Variants in SLC24A3 observed in about 807,000 individuals in gnomAD.
SLC24A3 encodes the protein sodium/potassium/calcium exchanger 3.
A neutral mutation model predicts 75.8 loss-of-function variants in SLC24A3; 28 were observed. The observed-to-expected ratio is 0.37, with a 90% confidence interval of 0.27 to 0.51. The LOEUF is 0.51. Ranked by LOEUF, SLC24A3 falls within the 20% of genes least tolerant of loss-of-function variation. SLC24A3 has a pLI of 0.94. For missense variants in SLC24A3, 663 were observed against 847.8 expected (o/e 0.78, Z 2.71); for synonymous variants, 372 against 334.1 (o/e 1.11, Z -1.24).
At chr20:19,497,052 G>T (rs1988300104) in intron 2 of SLC24A3, among the ~76,000 whole-genome samples, 2 of 152,142 alleles carry the variant, frequency 1.3e-5, no homozygotes, top group Admixed American at 6.5e-5. Context: ...TTTACCCCAT[G>T]GGGTACCAGC....
intron 3 of SLC24A3, among the ~76,000 whole-genome samples, chr20:19,545,924 C>T (rs1459605298): frequency 6.6e-6 from 1 of 151,948 alleles, no homozygotes; most frequent in African/African-American, 2.4e-5. Flanking sequence ...CTTTGGGAGG[C>T]CGAGGCGGGT....
At chr20:19,310,475 TTGAGAAA>T (rs1451463120) in intron 2 of SLC24A3, among the ~76,000 whole-genome samples, 2 of 152,232 alleles carry the variant, frequency 1.3e-5, no homozygotes, top group African/African-American at 4.8e-5. Flanking sequence ...GAATGAGAGC[TTGAGAAA>T]TGAGAAGCTC....
At chr20:19,359,538 G>A (rs1985749391) in intron 2 of SLC24A3, among the ~76,000 whole-genome samples, 1 of 152,134 alleles carries the variant, frequency 6.6e-6, no homozygotes, top group South Asian at 2.1e-4. Flanking sequence ...AAATGAGCAT[G>A]TCCTCAATCT....
At chr20:19,702,417 G>A (rs912957180) in intron 15 of SLC24A3, among the ~76,000 whole-genome samples, 1 of 152,090 alleles carries the variant, frequency 6.6e-6, no homozygotes, top group African/African-American at 2.4e-5. Flanking sequence ...TTATACAAGG[G>A]CCACATTAAG....
In SLC24A3 at chr20:19,260,830, G is replaced by T. The variant is rs376498639; in HGVS notation, c.143-20129G>T. ...CTGGAGCTCTGCCTTCCCAAGTTAG[G>T]TAACCCCCTCCGGCATGGACCGACA... On this transcript the variant is annotated intron_variant, in intron 1 of 16. Transcript: ENST00000328041. 1.4e-4 allele frequency among the ~76,000 whole-genome samples: 22 copies of T among 152,250 alleles called. No homozygotes were observed. In the East Asian group the frequency reaches 2.1e-3, roughly 15 times the overall value.
At chr20:19,505,078 T>C (rs1458419250) in intron 2 of SLC24A3, among the ~76,000 whole-genome samples, 1 of 152,252 alleles carries the variant, frequency 6.6e-6, no homozygotes, top group African/African-American at 2.4e-5. Context: ...CAATAGTCTA[T>C]GTAACTAATG....
At chr20:19,449,683 T>C (rs1357023276) in intron 2 of SLC24A3, among the ~76,000 whole-genome samples, 1 of 152,192 alleles carries the variant, frequency 6.6e-6, no homozygotes, top group Non-Finnish European at 1.5e-5. Flanking sequence ...TGGGCAGTCA[T>C]GTTTGCAAGT....
chr20:19,413,891 G>A (rs1287189740), intron 2 of SLC24A3, among the ~76,000 whole-genome samples: 1 of 152,086 alleles, frequency 6.6e-6, no homozygotes, highest in Non-Finnish European at 1.5e-5. Context: ...CAAGCATCAA[G>A]CTGGGAAATG....
intron 3 of SLC24A3, among the ~76,000 whole-genome samples, chr20:19,532,355 G>T (rs2030318215): frequency 6.6e-6 from 1 of 152,124 alleles, no homozygotes; most frequent in Non-Finnish European, 1.5e-5. Flanking sequence ...TGCCCTCACT[G>T]CTCCCTCATC....
At position 19,710,752 on chromosome 20, in the gene SLC24A3, G is replaced by C. The variant is rs149847296; in HGVS notation, c.1720-6776G>C. ...CAAGAAAGTGTTTTACTGCCTTCAG[G>C]GAAAGTTACTGGGATGATGAAAATG... On this transcript the variant is annotated intron_variant, in intron 15 of 16. Coordinates refer to ENST00000328041, the MANE Select transcript of SLC24A3 (RefSeq NM_020689.4). Among the ~76,000 whole-genome samples the C allele has an allele frequency of 7.9e-5, 12 of 152,262 alleles. No homozygotes were observed. In the East Asian group the frequency reaches 2.3e-3, roughly 29 times the overall value.
intron 2 of SLC24A3, among the ~76,000 whole-genome samples, chr20:19,388,069 C>G (rs953206741): frequency 5.9e-5 from 9 of 152,142 alleles, no homozygotes; most frequent in African/African-American, 2.2e-4. Flanking sequence ...TATCCATCCC[C>G]TCAAGCTTTT....
intron 2 of SLC24A3, among the ~76,000 whole-genome samples, chr20:19,463,483 C>T (rs957566087): frequency 1.3e-5 from 2 of 152,212 alleles, no homozygotes; most frequent in Admixed American, 6.5e-5. Context: ...CACAGGTGAG[C>T]TTTTGATGTC....
chr20:19,421,399 C>A (rs1289734805), intron 2 of SLC24A3, among the ~76,000 whole-genome samples: 3 of 151,018 alleles, frequency 2.0e-5, no homozygotes, highest in Admixed American at 1.3e-4. Flanking sequence ...TGAACAGACA[C>A]TTCTCAAAAG....
At chr20:19,340,206 C>T (rs1399199358) in intron 2 of SLC24A3, among the ~76,000 whole-genome samples, 1 of 152,208 alleles carries the variant, frequency 6.6e-6, no homozygotes, top group African/African-American at 2.4e-5. Context: ...ACTAATTCAG[C>T]ATGCCAGGTG....
intron 2 of SLC24A3, among the ~76,000 whole-genome samples, chr20:19,434,135 C>T (rs1987153795): frequency 6.6e-6 from 1 of 152,208 alleles, no homozygotes; most frequent in South Asian, 2.1e-4. Flanking sequence ...GCTGAAATGT[C>T]AGTGGTTTAC....
At chr20:19,667,347 A>G (rs1229461095) in intron 8 of SLC24A3, among the ~76,000 whole-genome samples, 1 of 152,204 alleles carries the variant, frequency 6.6e-6, no homozygotes, top group Admixed American at 6.5e-5. Flanking sequence ...CAGATCAGAG[A>G]ACCTCCTTGT....
At chr20:19,522,681 G>A (rs1322198252) in intron 3 of SLC24A3, among the ~76,000 whole-genome samples, 4 of 152,176 alleles carry the variant, frequency 2.6e-5, no homozygotes, top group Non-Finnish European at 2.9e-5. Context: ...CCATTCAGAC[G>A]GAGCTGCCCT....
chr20:19,415,478 G>T (rs1986811086), intron 2 of SLC24A3, among the ~76,000 whole-genome samples: 1 of 152,136 alleles, frequency 6.6e-6, no homozygotes, highest in African/African-American at 2.4e-5. Flanking sequence ...ACTGCTTCCA[G>T]CCATACCATT....
At chr20:19,690,367 T>G (rs541032037) in intron 12 of SLC24A3, among the ~76,000 whole-genome samples, 1 of 152,330 alleles carries the variant, frequency 6.6e-6, no homozygotes, top group African/African-American at 2.4e-5. Context: ...TCTTACAACT[T>G]TGTCTAATCA....
Sources: gnomAD v4.1 joint callset for allele counts (sites outside exome capture counted in the v4.1 genomes callset) on GRCh38, gnomAD v4.1.1 for gene constraint, MANE v1.5 for transcripts, NCBI Gene and HGNC (gene_info 2026-07-23, HGNC 2026-07-21) for gene names.